CD5: variants seen among roughly 807,000 people sequenced by gnomAD.
CD5 encodes CD5 molecule, also known as T-cell surface glycoprotein CD5.
A neutral mutation model predicts 60.3 loss-of-function variants in CD5; 36 were observed. The ratio of observed to expected loss-of-function variants is 0.60; its 90% CI spans 0.46 to 0.79. CD5 has a LOEUF of 0.79. Among genes scored for constraint, CD5 ranks in the 30% least tolerant of loss-of-function variants. The pLI, the probability that CD5 is intolerant of heterozygous loss-of-function variation, is 0.00. For synonymous variants in CD5, 230 were observed against 257.6 expected, an observed-to-expected ratio of 0.89 and a Z score of 1.03; for missense variants, 540 against 630.6, an observed-to-expected ratio of 0.86 and a Z score of 1.54.
chr11:61,123,576 G>C (rs1861100710), intron 7 of CD5, among the ~76,000 whole-genome samples: 1 of 152,210 alleles, frequency 6.6e-6, no homozygotes, highest in African/African-American at 2.4e-5. Flanking sequence ...CAGCAGGACA[G>C]TGTTAGGTCC....
In CD5 at chr11:61,118,995, C is replaced by T. The variant is rs1861008973; in HGVS notation, c.463+18C>T. On this transcript the variant is annotated intron_variant, in intron 4 of 10. Transcript: ENST00000347785. This position sits in a 1 kb window ranked among gnomAD's most constrained non-coding sequence, Gnocchi z 4.7. ...GCCCACAGGTAAGAGGATTCTGAACCCCCCACAGGGAGTCAGAGCTAGCAA... is the reference window on the plus strand; with the variant it reads ...GCCCACAGGTAAGAGGATTCTGAACTCCCCACAGGGAGTCAGAGCTAGCAA... 1 of 1,600,456 alleles carries T rather than the reference C, an allele frequency of 6.2e-7. No individual in the cohort carries two copies. Among genetic ancestry groups the T allele is most frequent in the Non-Finnish European group, 8.5e-7 (1 of 1,170,340 alleles).
In CD5 at chr11:61,118,997, C is replaced by T. The variant is rs1256532952; in HGVS notation, c.463+20C>T. 1.3e-6 allele frequency: 2 copies of T among 1,591,168 alleles called. No homozygotes were observed. Among genetic ancestry groups the T allele is most frequent in the Non-Finnish European group, 8.6e-7 (1 of 1,167,146 alleles). On this transcript the variant is annotated intron_variant, in intron 4 of 10. Transcript: ENST00000347785. This position sits in a 1 kb window ranked among gnomAD's most constrained non-coding sequence, Gnocchi z 4.7. ...CCACAGGTAAGAGGATTCTGAACCC[C>T]CCACAGGGAGTCAGAGCTAGCAAAT...
At chr11:61,116,727 A>C (rs1860967895) in intron 2 of CD5, among the ~76,000 whole-genome samples, 1 of 110,788 alleles carries the variant, frequency 9.0e-6, no homozygotes, top group African/African-American at 3.4e-5. Flanking sequence ...CACTATACAC[A>C]CCACACACAC....
rs949832554 is a variant in CD5, at chr11:61,125,096, C to T, written c.1344C>T (p.His448=). 6.8e-6 allele frequency: 11 copies of T among 1,614,070 alleles called. No homozygotes were observed. The highest frequency in any genetic ancestry group is 2.2e-5 in the East Asian group (1 of 44,864). Residue 448 remains histidine (H), a synonymous_variant, in exon 9 of 11, where the codon CAC becomes CAT. Transcript: ENST00000347785. ...ATGCTGAGAACCCCACAGCCTCCCA[C>T]GTGGATAACGAATACAGCCAACCTC... ...RSHAENPTAS[H]VDNEYSQPPR... is the part of the protein sequence containing the mutation.
intron 2 of CD5, among the ~76,000 whole-genome samples, chr11:61,117,543 C>T (rs1590771963): frequency 6.6e-6 from 1 of 151,924 alleles, no homozygotes; most frequent in African/African-American, 2.4e-5. Flanking sequence ...GGCTGGAGTG[C>T]AGTGGCGCGA....
intron 1 of CD5, among the ~76,000 whole-genome samples, chr11:61,114,469 TACAC>T (rs992018505): frequency 1.1e-4 from 17 of 151,776 alleles, no homozygotes; most frequent in African/African-American, 3.4e-4. Flanking sequence ...CATACATACA[TACAC>T]ACATACATAG....
At chr11:61,106,643 G>T (rs1860782274) in intron 1 of CD5, among the ~76,000 whole-genome samples, 1 of 152,184 alleles carries the variant, frequency 6.6e-6, no homozygotes, top group Admixed American at 6.5e-5. Context: ...TGACAAAATT[G>T]ATTGAACATC....
At chr11:61,114,957 G>A in intron 1 of CD5, 99 bp from the exon 2 acceptor site, 1 of 1,108,226 alleles carries the variant, frequency 9.0e-7, no homozygotes, top group South Asian at 1.4e-5. Flanking sequence ...GATAGGGGGA[G>A]GCAGAAAGGG....
intron 7 of CD5, among the ~76,000 whole-genome samples, chr11:61,123,461 C>T (rs751989973): frequency 1.1e-4 from 16 of 152,150 alleles, no homozygotes; most frequent in African/African-American, 3.4e-4. Context: ...AATGGGCAAT[C>T]GCACACCTTG....
intron 7 of CD5, 72 bp from the exon 8 acceptor site, chr11:61,123,812 T>TGGCC: frequency 5.9e-6 from 2 of 339,966 alleles, no homozygotes; most frequent in Non-Finnish European, 1.1e-5. Context: ...CCCAGCCCCA[T>TGGCC]CCCCACCCCT....
At position 61,105,954 on chromosome 11, in the gene CD5, A is replaced by G. The variant is rs888611847; in HGVS notation, c.55+3339A>G. Among the ~76,000 whole-genome samples, 8 of 152,128 alleles carry G rather than the reference A, an allele frequency of 5.3e-5. No homozygotes were observed. The South Asian group carries it at 1.0e-3, about 20-fold the overall frequency. On this transcript the variant is annotated intron_variant, in intron 1 of 10. Coordinates refer to ENST00000347785, the MANE Select transcript of CD5 (RefSeq NM_014207.4). ...AGCCTGGCCAACATGGTGAAACCTC[A>G]TCTCTACTAAAAATACAAAAATTAG...
At position 61,118,067 on chromosome 11, in the gene CD5, C is replaced by A; in HGVS notation, c.95-108C>A. The stretch of plus-strand genomic sequence containing the variant: ...CTCACAAGGGGCAAGGCAGGCAGCC[C>A]ACGGGGCAGGAGGGAGCTCAACTGG... On this transcript the variant is annotated intron_variant, in intron 2 of 10. Coordinates refer to ENST00000347785, the MANE Select transcript of CD5 (RefSeq NM_014207.4). This position sits in a 1 kb window ranked among gnomAD's most constrained non-coding sequence, Gnocchi z 4.7. 8.5e-7 allele frequency: 1 copy of A among 1,178,578 alleles called. No homozygotes were observed. The highest frequency in any genetic ancestry group is 1.2e-6 in the Non-Finnish European group (1 of 826,334). The allele number at this position is 1,178,578 out of a possible 1,614,324, so 73.0% of individuals were successfully genotyped here. A position where few individuals can be genotyped will look rare whatever the true frequency, so the allele number is the denominator to read the frequency against.
intron 2 of CD5, 48 bp downstream of exon 2, chr11:61,115,142 G>T (rs1407242198): frequency 1.3e-6 from 2 of 1,522,212 alleles, no homozygotes; most frequent in East Asian, 2.5e-5. Context: ...GGGAGAGTGG[G>T]GCTGTGGTTT....
chr11:61,123,812 T>TTC, intron 7 of CD5, 72 bp from the exon 8 acceptor site: 30 of 339,914 alleles, frequency 8.8e-5, no homozygotes, highest in South Asian at 2.0e-4. Flanking sequence ...CCCAGCCCCA[T>TTC]CCCCACCCCT....
At chr11:61,104,328 G>A (rs1860748667) in intron 1 of CD5, among the ~76,000 whole-genome samples, 1 of 152,182 alleles carries the variant, frequency 6.6e-6, no homozygotes, top group Admixed American at 6.5e-5. Context: ...AATGCCTTCT[G>A]TCCCAAAGTA....
At chr11:61,125,583 C>T (rs560081612) in intron 9 of CD5, among the ~76,000 whole-genome samples, 168 bp from the exon 10 acceptor site, 1 of 152,278 alleles carries the variant, frequency 6.6e-6, no homozygotes, top group African/African-American at 2.4e-5. Context: ...GCCTGGAGTT[C>T]AGCATCATTA....
chr11:61,124,703 C>T (rs543705931), intron 8 of CD5, among the ~76,000 whole-genome samples: 1 of 151,936 alleles, frequency 6.6e-6, no homozygotes, highest in Non-Finnish European at 1.5e-5. Flanking sequence ...AGGCCCTCAG[C>T]TCCTGGAGGG....
At position 61,121,839 on chromosome 11, in the gene CD5, A is replaced by G. The variant is rs1180627919; in HGVS notation, c.1034A>G (p.Gln345Arg). The G allele has an allele frequency of 6.3e-7, 1 of 1,590,882 alleles. No homozygotes were observed. The highest frequency in any genetic ancestry group is 1.1e-5 in the South Asian group (1 of 89,448). Residue 345 changes from glutamine (Q) to arginine (R), a missense_variant, in exon 6 of 11, where the codon CAG becomes CGG. Physicochemically the swap from Gln to Arg is conservative, Grantham distance 43. Coordinates refer to ENST00000347785, the MANE Select transcript of CD5 (RefSeq NM_014207.4). ...PTSRGLFCPH[Q>R]KLSQCHELWE... ...TCCCGGGGGCTCTTCTGTCCCCATC[A>G]GAAGCTGTCCCAGTGCCACGAACTT...
chr11:61,094,925 AG>A, the CD5 span, among the ~76,000 whole-genome samples: 1 of 152,152 alleles, frequency 6.6e-6, no homozygotes, highest in Non-Finnish European at 1.5e-5. Flanking sequence ...CCTGTAAGCC[AG>A]GGCACCCAGA....
Sources: gnomAD v4.1 joint callset for allele counts (sites outside exome capture counted in the v4.1 genomes callset) on GRCh38, gnomAD v4.1.1 for gene constraint, Gnocchi (gnomAD v3.1) non-coding constraint, MANE v1.5 for transcripts, NCBI Gene and HGNC (gene_info 2026-07-23, HGNC 2026-07-21) for gene names.